Variants in TF observed in about 807,000 individuals in gnomAD.
TF encodes the protein serotransferrin.
A neutral mutation model predicts 82.4 loss-of-function variants in TF; 55 were observed. That is an observed-to-expected ratio of 0.67 (90% CI 0.54 to 0.84). The LOEUF is 0.84. Ranked by LOEUF, TF falls within the 40% of genes least tolerant of loss-of-function variation. TF has a pLI of 0.00. For missense variants in TF, 737 were observed against 868.4 expected (o/e 0.85, Z 1.90); for synonymous variants, 332 against 332.6 (o/e 1.00, Z 0.02).
the TF span, among the ~76,000 whole-genome samples, chr3:133,683,890 A>T: frequency 6.6e-6 from 1 of 152,242 alleles, no homozygotes; most frequent in Non-Finnish European, 1.5e-5. Flanking sequence ...CCAAATCAAC[A>T]GAATATACAT....
chr3:133,679,569 C>CTGTTTTTT, the TF span, among the ~76,000 whole-genome samples: 1 of 75,382 alleles, frequency 1.3e-5, no homozygotes, highest in Non-Finnish European at 2.4e-5. Flanking sequence ...CTTTGTTTGG[C>CTGTTTTTT]TTTTTTTTTT....
chr3:133,702,830 C>T, the TF span, among the ~76,000 whole-genome samples: 1 of 152,078 alleles, frequency 6.6e-6, no homozygotes, highest in Non-Finnish European at 1.5e-5. Context: ...TCTTGGTAAA[C>T]CTTCCTAGCA....
In TF at chr3:133,751,095, G is replaced by A. The variant is rs921528844; in HGVS notation, c.217-2500G>A. On this transcript the variant is annotated intron_variant, in intron 2 of 16. Coordinates refer to ENST00000402696, the MANE Select transcript of TF (RefSeq NM_001063.4). ...TGATGAGTGAATAGATAAATAAAAT[G>A]TGGTAAACACAAATGATGAAATATT... Among the ~76,000 whole-genome samples the A allele has an allele frequency of 5.9e-5, 9 of 152,264 alleles. 1 individual carries two copies. Among genetic ancestry groups the A allele is most frequent in the Admixed American group, 1.3e-4 (2 of 15,298 alleles).
At chr3:133,768,906 C>T (rs1010901521) in intron 13 of TF, among the ~76,000 whole-genome samples, 3 of 151,294 alleles carry the variant, frequency 2.0e-5, no homozygotes, top group African/African-American at 7.3e-5. Context: ...GATCCTCCCA[C>T]CTCAGCCTCC....
At chr3:133,680,098 A>G in the TF span, among the ~76,000 whole-genome samples, 5 of 152,108 alleles carry the variant, frequency 3.3e-5, no homozygotes, top group Non-Finnish European at 7.4e-5. Flanking sequence ...CCATTCCTGT[A>G]TCCATATATA....
At chr3:133,776,116 AG>A (rs1234016030) in intron 15 of TF, among the ~76,000 whole-genome samples, 2 of 152,166 alleles carry the variant, frequency 1.3e-5, no homozygotes, top group Admixed American at 6.5e-5. Flanking sequence ...AACCTTGTTC[AG>A]GGGTACCCTC....
At chr3:133,695,843 A>C in the TF span, among the ~76,000 whole-genome samples, 5 of 152,140 alleles carry the variant, frequency 3.3e-5, no homozygotes, top group African/African-American at 1.2e-4. Context: ...TGTGGATCTG[A>C]TCACTGAGAA....
rs1375856127 is a variant in TF at position 133,784,984 on chromosome 3, C to G, written c.*6364C>G. ...CCCCCGCCTGGCCAGCCGCCCCGTC[C>G]GGGAGGGAGGTGGGGGGGTCAGCCC... On this transcript the variant is annotated 3_prime_UTR_variant, in exon 17 of 17. Transcript: ENST00000402696. 3 of 78,312 alleles carry G rather than the reference C, an allele frequency of 3.8e-5. 1 individual carries two copies. The highest frequency in any genetic ancestry group is 1.0e-4 in the African/African-American group (3 of 28,584). The allele number at this position is 78,312 out of a possible 1,614,324, so 4.9% of individuals were successfully genotyped here. A position where few individuals can be genotyped will look rare whatever the true frequency, so the allele number is the denominator to read the frequency against.
the TF span, among the ~76,000 whole-genome samples, chr3:133,735,443 CAG>C: frequency 5.3e-5 from 8 of 151,748 alleles, no homozygotes. Context: ...CAAAACTGGA[CAG>C]AGAATGAGTT....
Position 133,791,512 on chromosome 3 carries a change from T to C in TF, c.*12892T>C, listed in dbSNP as rs1002316761. On this transcript the variant is annotated 3_prime_UTR_variant, in exon 17 of 17. Coordinates refer to ENST00000402696, the MANE Select transcript of TF (RefSeq NM_001063.4). ...AAACTGCATAAATGAATAGTAAAAG[T>C]CACTGTTTATCTCCTCTGTAAAGTT... 1 of 152,206 alleles carries C rather than the reference T, an allele frequency of 6.6e-6. No individual in the cohort carries two copies. Among genetic ancestry groups the C allele is most frequent in the Non-Finnish European group, 1.5e-5 (1 of 68,044 alleles). The allele number at this position is 152,206 out of a possible 1,614,324, so 9.4% of individuals were successfully genotyped here.
chr3:133,795,882 G>C lies in TF; in HGVS notation c.*17262G>C, dbSNP rs989124003. On this transcript the variant is annotated 3_prime_UTR_variant, in exon 17 of 17. Transcript: ENST00000402696. Reference sequence around the variant, plus strand: ...TGAGCCACTGCACCTGGCCAAAAAGGGGAATTTTTTTTAAACAAAATTATG... The same window carrying C: ...TGAGCCACTGCACCTGGCCAAAAAGCGGAATTTTTTTTAAACAAAATTATG... 1.3e-5 allele frequency: 2 copies of C among 152,232 alleles called. No individual in the cohort carries two copies. The highest frequency in any genetic ancestry group is 2.4e-5 in the African/African-American group (1 of 41,368). The allele number at this position is 152,232 out of a possible 1,614,324, so 9.4% of individuals were successfully genotyped here. A position where few individuals can be genotyped will look rare whatever the true frequency, so the allele number is the denominator to read the frequency against.
chr3:133,707,344 A>G, the TF span: 4 of 152,264 alleles, frequency 2.6e-5, no homozygotes, highest in African/African-American at 9.6e-5. Flanking sequence ...GTGGTAGGCA[A>G]GGGCTTGCCA....
Position 133,768,147 on chromosome 3 carries a change from C to T in TF, c.1605C>T (p.Gly535=). The part of the protein sequence containing the change: ...CEPNNKEGYY[G]YTGAFRCLVE... ...CCAACAACAAAGAGGGATACTACGG[C>T]TACACAGGCGCTTTCAGGTGAGTCT... is the stretch of plus-strand genomic sequence containing the variant. Residue 535 remains glycine, a synonymous_variant, in exon 13 of 17, where the codon GGC becomes GGT. Coordinates refer to ENST00000402696, the MANE Select transcript of TF (RefSeq NM_001063.4). 1 of 1,614,210 alleles carries T rather than the reference C, an allele frequency of 6.2e-7. No homozygotes were observed. The highest frequency in any genetic ancestry group is 8.5e-7 in the Non-Finnish European group (1 of 1,180,040).
rs768123138 is a variant in TF, at chr3:133,748,686, T to C, written c.216+102T>C. On this transcript the variant is annotated intron_variant, in intron 2 of 16. Coordinates refer to ENST00000402696, the MANE Select transcript of TF (RefSeq NM_001063.4). The stretch of plus-strand genomic sequence containing the variant: ...TACTCACAGGTAGGAGGCTGATATA[T>C]GGGGCAGTCAACCTTGACTTACTAA... 1.1e-5 allele frequency: 15 copies of C among 1,423,292 alleles called. No homozygotes were observed. The South Asian group carries it at 1.7e-4, about 16-fold the overall frequency. 88.2% of individuals were successfully genotyped at this position (1,423,292 alleles called of 1,614,324 possible).
chr3:133,668,499 T>G, the TF span, among the ~76,000 whole-genome samples: 1 of 152,098 alleles, frequency 6.6e-6, no homozygotes, highest in Non-Finnish European at 1.5e-5. Context: ...TGGCTATGGG[T>G]CTCCACTCCT....
intron 4 of TF, 75 bp from the exon 5 acceptor site, chr3:133,755,288 G>T: frequency 2.5e-6 from 4 of 1,607,378 alleles, no homozygotes; most frequent in Non-Finnish European, 2.6e-6. Flanking sequence ...TCCCTGATGG[G>T]CCTGGGTGGG....
the TF span, among the ~76,000 whole-genome samples, chr3:133,720,227 C>T: frequency 2.0e-5 from 3 of 152,136 alleles, no homozygotes; most frequent in Non-Finnish European, 4.4e-5. Context: ...ATGATGTTAG[C>T]TATGGGTCTG....
At chr3:133,715,080 G>A in the TF span, among the ~76,000 whole-genome samples, 4 of 152,056 alleles carry the variant, frequency 2.6e-5, no homozygotes, top group East Asian at 7.7e-4. Context: ...CATCCTTTCT[G>A]AGCATACATT....
chr3:133,698,738 G>A, the TF span, among the ~76,000 whole-genome samples: 2 of 152,170 alleles, frequency 1.3e-5, no homozygotes, highest in African/African-American at 4.8e-5. Context: ...TCCAAATAAG[G>A]TCACATTCTG....
Sources: allele counts gnomAD v4.1 joint callset (sites outside exome capture counted in the v4.1 genomes callset), GRCh38; gene constraint gnomAD v4.1.1; transcripts MANE v1.5; gene names NCBI Gene and HGNC (gene_info 2026-07-23, HGNC 2026-07-21).